TBC1D22A: variants seen among roughly 807,000 people sequenced by gnomAD.
TBC1D22A encodes the protein putative GTPase activator.
Under a neutral mutation model 60.2 loss-of-function variants are expected in TBC1D22A, and 38 were observed. That is an observed-to-expected ratio of 0.63 (90% confidence interval 0.49 to 0.83). TBC1D22A has a LOEUF of 0.83. Among genes scored for constraint, TBC1D22A ranks in the 40% least tolerant of loss-of-function variants. The pLI is 0.00. For missense variants in TBC1D22A, 628 were observed against 701.0 expected (o/e 0.90, Z 1.18); for synonymous variants, 302 against 281.7 (o/e 1.07, Z -0.72).
At chr22:47,110,437 C>T (rs899711659) in intron 11 of TBC1D22A, among the ~76,000 whole-genome samples, 14 of 152,190 alleles carry the variant, frequency 9.2e-5, no homozygotes, top group African/African-American at 1.2e-4. Context: ...CAAGATCACA[C>T]TACTACCCTC....
intron 12 of TBC1D22A, among the ~76,000 whole-genome samples, chr22:47,167,612 T>G (rs1446471922): frequency 6.6e-6 from 1 of 152,226 alleles, no homozygotes; most frequent in Non-Finnish European, 1.5e-5. Context: ...AGTAGAATTT[T>G]ACTGAGGAAC....
intron 11 of TBC1D22A, among the ~76,000 whole-genome samples, chr22:47,105,872 C>T (rs759069426): frequency 6.6e-6 from 1 of 151,978 alleles, no homozygotes; most frequent in Non-Finnish European, 1.5e-5. Context: ...GGGCAAGAAT[C>T]AGCAGTGAAA....
At chr22:47,065,074 C>G (rs960533201) in intron 11 of TBC1D22A, among the ~76,000 whole-genome samples, 3 of 152,214 alleles carry the variant, frequency 2.0e-5, no homozygotes, top group African/African-American at 7.2e-5. Context: ...ACCTCCGCCT[C>G]CCGGGTTCAA....
chr22:47,040,497 G>A (rs1443996738), intron 11 of TBC1D22A, among the ~76,000 whole-genome samples: 2 of 151,898 alleles, frequency 1.3e-5, no homozygotes, highest in South Asian at 2.1e-4. Flanking sequence ...GGGGGTCGTC[G>A]AGCAAGTGGG....
rs532929897 is a variant in TBC1D22A at position 46,788,157 on chromosome 22, C to G, written c.63-4363C>G. On this transcript the variant is annotated intron_variant, in intron 1 of 12. Coordinates refer to ENST00000337137, the MANE Select transcript of TBC1D22A (RefSeq NM_014346.5). ...TTCACTGTGTTAGCCAGGACGGTCTCGATCTCCAGACCTCGTGATCCACCC... is the reference window on the plus strand; with the variant it reads ...TTCACTGTGTTAGCCAGGACGGTCTGGATCTCCAGACCTCGTGATCCACCC... Among the ~76,000 whole-genome samples, 4 of 152,048 alleles carry G rather than the reference C, an allele frequency of 2.6e-5. No individual in the cohort carries two copies. The South Asian group carries it at 8.3e-4, about 32-fold the overall frequency.
chr22:46,998,916 C>T (rs1181404706), intron 10 of TBC1D22A, among the ~76,000 whole-genome samples: 4 of 152,252 alleles, frequency 2.6e-5, no homozygotes, highest in Admixed American at 6.5e-5. Context: ...TGTTTGGGTG[C>T]GGCTGGGTTC....
At position 47,102,720 on chromosome 22, in the gene TBC1D22A, G is replaced by A. The variant is rs188293770; in HGVS notation, c.1330-8788G>A. Among the ~76,000 whole-genome samples, 463 of 152,214 alleles carry A rather than the reference G, an allele frequency of 3.0e-3. 5 individuals carry two copies. Among genetic ancestry groups the A allele is most frequent in the African/African-American group, 0.01 (427 of 41,524 alleles). Reference sequence around the variant, plus strand: ...CCCTGGTTGGAGACATCTTGTGAGCGGCAGAATTTACAGTCCAGCCTTACT... The same window carrying A: ...CCCTGGTTGGAGACATCTTGTGAGCAGCAGAATTTACAGTCCAGCCTTACT... On this transcript the variant is annotated intron_variant, in intron 11 of 12. Coordinates refer to ENST00000337137, the MANE Select transcript of TBC1D22A (RefSeq NM_014346.5).
intron 6 of TBC1D22A, among the ~76,000 whole-genome samples, chr22:46,893,977 A>G (rs8135069): frequency 0.014 from 2,103 of 152,330 alleles, 64 homozygotes; most frequent in African/African-American, 0.048. Context: ...CAGAGTGATG[A>G]TGTCCCAGCC....
At chr22:47,140,021 G>A (rs1415721100) in intron 12 of TBC1D22A, among the ~76,000 whole-genome samples, 2 of 152,210 alleles carry the variant, frequency 1.3e-5, no homozygotes, top group African/African-American at 2.4e-5. Flanking sequence ...ATTATCAGAT[G>A]ACACCTCTGT....
Position 47,173,554 on chromosome 22 carries a change from C to T in TBC1D22A, c.1482C>T (p.Ile494=). ...CAGCCCACTGGGATGATGAGGACAT[C>T]AGCCTGTTGCTGGCCGAGGCCTACC... The part of the protein sequence containing the change: ...LPTAHWDDED[I]SLLLAEAYRL... Residue 494 remains isoleucine (I), a synonymous_variant, in exon 13 of 13, where the codon ATC becomes ATT. Coordinates refer to ENST00000337137, the MANE Select transcript of TBC1D22A (RefSeq NM_014346.5). The T allele has an allele frequency of 6.2e-7, 1 of 1,614,164 alleles. No individual in the cohort carries two copies. The highest frequency in any genetic ancestry group is 8.5e-7 in the Non-Finnish European group (1 of 1,180,024).
At chr22:47,169,116 C>T (rs556753026) in intron 12 of TBC1D22A, among the ~76,000 whole-genome samples, 10 of 152,336 alleles carry the variant, frequency 6.6e-5, no homozygotes, top group Non-Finnish European at 1.2e-4. Flanking sequence ...GGAAACATCC[C>T]AGCTTGGCTT....
At chr22:47,113,990 A>G (rs1008609797) in intron 12 of TBC1D22A, among the ~76,000 whole-genome samples, 3 of 152,226 alleles carry the variant, frequency 2.0e-5, no homozygotes, top group Non-Finnish European at 4.4e-5. Context: ...ACTTGGACCA[A>G]GAAACGGAAT....
chr22:46,818,864 T>G (rs2085709835), intron 4 of TBC1D22A, among the ~76,000 whole-genome samples: 1 of 148,354 alleles, frequency 6.7e-6, no homozygotes, highest in Admixed American at 6.8e-5. Context: ...TTCCCATTGA[T>G]GAGGATGGAA....
intron 9 of TBC1D22A, among the ~76,000 whole-genome samples, chr22:46,979,734 C>T (rs1233420080): frequency 1.3e-5 from 2 of 152,318 alleles, no homozygotes; most frequent in East Asian, 1.9e-4. Flanking sequence ...TGCCTGCTGC[C>T]AGCATGCCCG....
At chr22:46,784,102 G>T (rs2084056778) in intron 1 of TBC1D22A, among the ~76,000 whole-genome samples, 1 of 152,134 alleles carries the variant, frequency 6.6e-6, no homozygotes, top group African/African-American at 2.4e-5. Flanking sequence ...CTGGAGTGCA[G>T]TGGTGCGATC....
Position 47,109,624 on chromosome 22 carries a change from A to G in TBC1D22A, c.1330-1884A>G, listed in dbSNP as rs1377792001. Among the ~76,000 whole-genome samples, 8 of 152,220 alleles carry G rather than the reference A, an allele frequency of 5.3e-5. No homozygotes were observed. The East Asian group carries it at 1.4e-3, about 26-fold the overall frequency. Reference sequence around the variant, plus strand: ...ACTTGGCAGTTCCAAAGAATAACTCATGGCCTTCCCACCAAAACAGTCTCC... The same window carrying G: ...ACTTGGCAGTTCCAAAGAATAACTCGTGGCCTTCCCACCAAAACAGTCTCC... On this transcript the variant is annotated intron_variant, in intron 11 of 12. Coordinates refer to ENST00000337137, the MANE Select transcript of TBC1D22A (RefSeq NM_014346.5).
chr22:46,865,723 G>A (rs1444227008), intron 4 of TBC1D22A, among the ~76,000 whole-genome samples: 1 of 152,294 alleles, frequency 6.6e-6, no homozygotes, highest in Non-Finnish European at 1.5e-5. Flanking sequence ...ACCAAGGGCC[G>A]GTTCCCCCAA....
At chr22:46,886,748 A>G (rs954681879) in intron 5 of TBC1D22A, among the ~76,000 whole-genome samples, 1 of 152,208 alleles carries the variant, frequency 6.6e-6, no homozygotes, top group African/African-American at 2.4e-5. Context: ...ACGGTTGGCA[A>G]ATGTTTTCTG....
intron 4 of TBC1D22A, among the ~76,000 whole-genome samples, chr22:46,861,518 GGA>G (rs144434394): frequency 0.081 from 12,255 of 152,220 alleles, 667 homozygotes; most frequent in Non-Finnish European, 0.12. Flanking sequence ...CAGGATTGTG[GGA>G]GTAGATGGCC....
Sources: gnomAD v4.1 joint callset for allele counts (sites outside exome capture counted in the v4.1 genomes callset) on GRCh38, gnomAD v4.1.1 for gene constraint, MANE v1.5 for transcripts, NCBI Gene and HGNC (gene_info 2026-07-23, HGNC 2026-07-21) for gene names.